PAPPA: variants seen among roughly 807,000 people sequenced by gnomAD.
PAPPA encodes the protein pappalysin 1.
PAPPA carries 60 observed loss-of-function variants against 164.0 expected under a neutral mutation model. The observed-to-expected ratio is 0.37, with a 90% CI of 0.30 to 0.45. PAPPA has a LOEUF of 0.45. Among genes scored for constraint, PAPPA ranks in the 20% least tolerant of loss-of-function variants. The pLI is 1.00. For missense variants in PAPPA, 1,782 were observed against 2,087.3 expected, an observed-to-expected ratio of 0.85 and a Z score of 2.85; for synonymous variants, 875 against 814.1, an observed-to-expected ratio of 1.07 and a Z score of -1.27.
intron 20 of PAPPA, among the ~76,000 whole-genome samples, chr9:116,379,229 C>T (rs1457213299): frequency 6.6e-6 from 1 of 152,184 alleles, no homozygotes; most frequent in Non-Finnish European, 1.5e-5. Flanking sequence ...CTCCTGTCCT[C>T]TTTAGCTTTG....
chr9:116,374,968 A>G (rs980319431), intron 19 of PAPPA, among the ~76,000 whole-genome samples: 3 of 152,230 alleles, frequency 2.0e-5, no homozygotes, highest in African/African-American at 7.2e-5. Flanking sequence ...TCCTTCATGT[A>G]TTTCTTCACT....
chr9:116,322,778 C>CTGTGTG (rs138568957), intron 10 of PAPPA, among the ~76,000 whole-genome samples: 9 of 150,920 alleles, frequency 6.0e-5, no homozygotes, highest in South Asian at 4.2e-4. Flanking sequence ...CACTGGCTGG[C>CTGTGTG]TGTGTGTGTG....
intron 2 of PAPPA, among the ~76,000 whole-genome samples, chr9:116,203,714 C>G (rs1002242139): frequency 2.6e-5 from 4 of 152,184 alleles, no homozygotes; most frequent in African/African-American, 9.7e-5. Context: ...TATGATGCCC[C>G]TGACAGGTGG....
chr9:116,281,007 T>G (rs1027163229), intron 9 of PAPPA, among the ~76,000 whole-genome samples: 4 of 152,146 alleles, frequency 2.6e-5, no homozygotes, highest in Non-Finnish European at 4.4e-5. Flanking sequence ...ACAAAATATT[T>G]GAAACTAACT....
intron 14 of PAPPA, among the ~76,000 whole-genome samples, chr9:116,346,214 C>A (rs760442161): frequency 1.2e-4 from 18 of 152,204 alleles, no homozygotes; most frequent in Non-Finnish European, 1.6e-4. Flanking sequence ...TGAATGAAAG[C>A]CTCCAGGCTG....
intron 8 of PAPPA, among the ~76,000 whole-genome samples, chr9:116,267,419 G>T (rs922943648): frequency 1.5e-4 from 23 of 152,328 alleles, no homozygotes; most frequent in Admixed American, 3.9e-4. Context: ...AAAGGCAATA[G>T]AAATATTGCA....
intron 21 of PAPPA, among the ~76,000 whole-genome samples, chr9:116,394,596 A>C (rs1223298826): frequency 2.6e-5 from 4 of 152,162 alleles, no homozygotes; most frequent in African/African-American, 4.8e-5. Context: ...TCCAGTTCTA[A>C]TATTCTGTGC....
At chr9:116,255,495 T>C (rs979681776) in intron 7 of PAPPA, among the ~76,000 whole-genome samples, 5 of 151,954 alleles carry the variant, frequency 3.3e-5, no homozygotes, top group African/African-American at 1.2e-4. Flanking sequence ...AAATGCCTGA[T>C]TGAGATTAGA....
At chr9:116,197,291 G>A (rs1033575724) in intron 2 of PAPPA, among the ~76,000 whole-genome samples, 1 of 152,166 alleles carries the variant, frequency 6.6e-6, no homozygotes, top group African/African-American at 2.4e-5. Context: ...GCCATGCACT[G>A]GCACTGGAGA....
intron 9 of PAPPA, among the ~76,000 whole-genome samples, chr9:116,272,306 G>A (rs1323996484): frequency 2.6e-5 from 4 of 152,196 alleles, no homozygotes; most frequent in Non-Finnish European, 4.4e-5. Flanking sequence ...TCATTTGCAA[G>A]TACAAAAGAC....
chr9:116,277,081 G>C (rs949629555), intron 9 of PAPPA, among the ~76,000 whole-genome samples: 3 of 152,138 alleles, frequency 2.0e-5, no homozygotes, highest in Non-Finnish European at 2.9e-5. Flanking sequence ...TGCTGGAGGA[G>C]AGGGGGAAGA....
At chr9:116,238,479 G>A (rs1844697614) in intron 7 of PAPPA, among the ~76,000 whole-genome samples, 2 of 152,156 alleles carry the variant, frequency 1.3e-5, no homozygotes, top group Non-Finnish European at 2.9e-5. Context: ...CATTCTATAT[G>A]CCAGATTCTG....
intron 2 of PAPPA, among the ~76,000 whole-genome samples, chr9:116,201,311 T>G (rs1303346970): frequency 2.0e-5 from 3 of 152,206 alleles, no homozygotes; most frequent in Non-Finnish European, 4.4e-5. Context: ...TTTCAAATGG[T>G]CTGGTGTGTT....
At chr9:116,191,791 C>G (rs1033406489) in intron 2 of PAPPA, among the ~76,000 whole-genome samples, 3 of 152,080 alleles carry the variant, frequency 2.0e-5, no homozygotes, top group Non-Finnish European at 2.9e-5. Flanking sequence ...ACAGATGGCA[C>G]ATTCAAACAG....
At chr9:116,176,823 T>G (rs1020314623) in intron 1 of PAPPA, among the ~76,000 whole-genome samples, 6 of 152,006 alleles carry the variant, frequency 3.9e-5, no homozygotes, top group Admixed American at 2.0e-4. Flanking sequence ...CACAGAGAAA[T>G]AAAAATGGAG....
intron 13 of PAPPA, among the ~76,000 whole-genome samples, chr9:116,342,808 G>T (rs577711870): frequency 1.3e-5 from 2 of 152,174 alleles, no homozygotes; most frequent in Non-Finnish European, 2.9e-5. Context: ...CCAGGTGTTG[G>T]GGGTAGACAC....
intron 1 of PAPPA, among the ~76,000 whole-genome samples, chr9:116,182,062 G>A (rs781076202): frequency 2.0e-5 from 3 of 152,178 alleles, no homozygotes; most frequent in Non-Finnish European, 2.9e-5. Context: ...ATGACTAAGA[G>A]CCTGGGTGTG....
chr9:116,361,130 C>T (rs955828490), intron 17 of PAPPA, among the ~76,000 whole-genome samples: 96 of 152,230 alleles, frequency 6.3e-4, no homozygotes, highest in African/African-American at 2.2e-3. Flanking sequence ...GAGAATTAGG[C>T]AGAATTAAGG....
intron 13 of PAPPA, among the ~76,000 whole-genome samples, chr9:116,342,751 T>TA (rs1846154739): frequency 6.6e-6 from 1 of 152,120 alleles, no homozygotes; most frequent in Non-Finnish European, 1.5e-5. Flanking sequence ...AATAGGAACA[T>TA]AAAAGCCTTG....
Sources: allele counts gnomAD v4.1 joint callset (sites outside exome capture counted in the v4.1 genomes callset), GRCh38; gene constraint gnomAD v4.1.1; transcripts MANE v1.5; gene names NCBI Gene and HGNC (gene_info 2026-07-23, HGNC 2026-07-21).